Variants in RALGPS1 observed in about 807,000 individuals in gnomAD.
The protein encoded by RALGPS1 is Ral GEF with PH domain and SH3 binding motif 1, also known as ras-specific guanine nucleotide-releasing factor RalGPS1.
In RALGPS1, 19 loss-of-function variants were observed where a neutral mutation model predicts 78.8. The observed-to-expected ratio is 0.24, with a 90% confidence interval of 0.17 to 0.35. RALGPS1 has a LOEUF of 0.35. RALGPS1 is among the 10% of genes least tolerant of loss of function. RALGPS1 has a pLI of 1.00. For missense variants in RALGPS1, 454 were observed against 688.3 expected, an observed-to-expected ratio of 0.66 and a Z score of 3.81; for synonymous variants, 228 against 256.3, an observed-to-expected ratio of 0.89 and a Z score of 1.06.
chr9:126,996,409 C>T (rs1288255725), intron 4 of RALGPS1, among the ~76,000 whole-genome samples: 25 of 152,018 alleles, frequency 1.6e-4, no homozygotes, highest in Non-Finnish European at 2.4e-4. Context: ...AACACCTCTA[C>T]GCAAATAAAC....
intron 2 of RALGPS1, among the ~76,000 whole-genome samples, chr9:126,965,638 C>G (rs1186420495): frequency 2.0e-5 from 3 of 152,230 alleles, no homozygotes; most frequent in Non-Finnish European, 4.4e-5. Context: ...AATTTGTACT[C>G]ATAGGGCACA....
chr9:126,940,382 TTA>T (rs2036649540), intron 1 of RALGPS1, among the ~76,000 whole-genome samples: 1 of 152,032 alleles, frequency 6.6e-6, no homozygotes, highest in Non-Finnish European at 1.5e-5. Context: ...TGAATAGTGT[TTA>T]TGTTTGTGTA....
At chr9:127,103,823 C>T (rs1436830847) in intron 8 of RALGPS1, among the ~76,000 whole-genome samples, 1 of 152,242 alleles carries the variant, frequency 6.6e-6, no homozygotes, top group Non-Finnish European at 1.5e-5. Context: ...GTCCCTGTGG[C>T]AGCTGGGGCC....
chr9:126,939,383 A>G (rs980945964), intron 1 of RALGPS1, among the ~76,000 whole-genome samples: 2 of 152,216 alleles, frequency 1.3e-5, no homozygotes, highest in Non-Finnish European at 2.9e-5. Flanking sequence ...TGTGCTGGAA[A>G]CTGGGGATGA....
At chr9:126,955,672 A>C (rs776978960) in intron 1 of RALGPS1, among the ~76,000 whole-genome samples, 1 of 152,248 alleles carries the variant, frequency 6.6e-6, no homozygotes, top group Non-Finnish European at 1.5e-5. Context: ...TGCATTTAAA[A>C]ACATTTCTAT....
chr9:126,940,063 C>G (rs2036612608), intron 1 of RALGPS1, among the ~76,000 whole-genome samples: 1 of 152,162 alleles, frequency 6.6e-6, no homozygotes, highest in Non-Finnish European at 1.5e-5. Context: ...CTCATCCAAG[C>G]CAGTGTTCTG....
chr9:127,161,527 G>A (rs745494892), intron 8 of RALGPS1, among the ~76,000 whole-genome samples: 16 of 152,206 alleles, frequency 1.1e-4, no homozygotes, highest in Non-Finnish European at 2.4e-4. Flanking sequence ...AGAGCTGGAA[G>A]GACCCGCAGG....
chr9:127,119,154 G>A (rs1472898670), intron 8 of RALGPS1, among the ~76,000 whole-genome samples: 2 of 152,160 alleles, frequency 1.3e-5, no homozygotes, highest in Non-Finnish European at 2.9e-5. Context: ...ACCTGGTTTC[G>A]AAGCTCAGTT....
intron 1 of RALGPS1, among the ~76,000 whole-genome samples, chr9:126,927,400 G>A (rs538942506): frequency 6.6e-6 from 1 of 152,106 alleles, no homozygotes; most frequent in African/African-American, 2.4e-5. Context: ...TGTGGAAACC[G>A]GTGGTGGGGG....
At chr9:127,048,037 G>C (rs2047969179) in intron 5 of RALGPS1, among the ~76,000 whole-genome samples, 1 of 152,048 alleles carries the variant, frequency 6.6e-6, no homozygotes, top group African/African-American at 2.4e-5. Flanking sequence ...GTTTTCTAAT[G>C]GGTGTCTCTA....
chr9:127,018,171 C>T (rs1005015737), intron 4 of RALGPS1, among the ~76,000 whole-genome samples: 24 of 151,588 alleles, frequency 1.6e-4, no homozygotes, highest in African/African-American at 5.3e-4. Context: ...CCCGACATTG[C>T]GCCACTGCAC....
In RALGPS1 at chr9:127,211,535, G is replaced by GGCAGAT. The variant is rs1010201747; in HGVS notation, c.1248-595_1248-590dup. On this transcript the variant is annotated intron_variant, in intron 14 of 18. Coordinates refer to ENST00000259351, the MANE Select transcript of RALGPS1 (RefSeq NM_014636.3). The surrounding 1 kb of genome is among the most constrained non-coding windows in gnomAD (Gnocchi z 5.0). The stretch of plus-strand genomic sequence containing the variant: ...GGGGTGGTGCCATTCCTGAGGCACC[G>GGCAGAT]GCAGATCCGGAGCTCAGGAGGGAGG... 4.6e-5 allele frequency among the ~76,000 whole-genome samples: 7 copies of GGCAGAT among 152,180 alleles called. No homozygotes were observed. The highest frequency in any genetic ancestry group is 8.8e-5 in the Non-Finnish European group (6 of 68,022).
At chr9:126,916,815 C>G (rs2034216219) in intron 1 of RALGPS1, among the ~76,000 whole-genome samples, 1 of 152,054 alleles carries the variant, frequency 6.6e-6, no homozygotes, top group Admixed American at 6.6e-5. Flanking sequence ...AAGAAGACCC[C>G]CAAAAGAAGG....
In RALGPS1 at chr9:127,168,728, C is replaced by T. The variant is rs1181538729; in HGVS notation, c.798C>T (p.Arg266=). 3 of 1,613,964 alleles carry T rather than the reference C, an allele frequency of 1.9e-6. No homozygotes were observed. Among genetic ancestry groups the T allele is most frequent in the Admixed American group, 3.3e-5 (2 of 60,032 alleles). Residue 266 remains arginine, a synonymous_variant, in exon 10 of 19, where the codon CGC becomes CGT. Coordinates refer to ENST00000259351, the MANE Select transcript of RALGPS1 (RefSeq NM_014636.3). ...PHVQKYLKSV[R]YIEELQKFVE... ...TGCAGAAGTACCTGAAGTCCGTACG[C>T]TACATTGAAGAGCTCCAGAAGTTTG...
At chr9:126,915,730 G>A (rs1397637936) in intron 1 of RALGPS1, among the ~76,000 whole-genome samples, 1 of 150,268 alleles carries the variant, frequency 6.7e-6, no homozygotes, top group African/African-American at 2.5e-5. Context: ...GCTGTTTTTC[G>A]CACCTCAGGG....
chr9:127,128,576 G>T (rs1318372680), intron 8 of RALGPS1, among the ~76,000 whole-genome samples: 2 of 152,222 alleles, frequency 1.3e-5, no homozygotes, highest in African/African-American at 2.4e-5. Flanking sequence ...GTCTTGGGGA[G>T]TGTCCAGGCA....
chr9:127,071,023 ATCTC>A (rs368013720), intron 8 of RALGPS1, among the ~76,000 whole-genome samples: 5 of 148,294 alleles, frequency 3.4e-5, no homozygotes, highest in African/African-American at 5.0e-5. Context: ...ATAAATTTGA[ATCTC>A]TCTCTCTCTC....
intron 17 of RALGPS1, among the ~76,000 whole-genome samples, chr9:127,213,414 C>T (rs899356909): frequency 6.6e-6 from 1 of 152,222 alleles, no homozygotes; most frequent in Non-Finnish European, 1.5e-5. Flanking sequence ...GATCCCCTCA[C>T]ATGCCTGTGC....
intron 8 of RALGPS1, among the ~76,000 whole-genome samples, chr9:127,079,316 A>G (rs949031155): frequency 6.6e-6 from 1 of 152,202 alleles, no homozygotes; most frequent in Non-Finnish European, 1.5e-5. Context: ...GATTGGGACA[A>G]AGGAAAGACT....
Sources: allele counts gnomAD v4.1 joint callset (sites outside exome capture counted in the v4.1 genomes callset), GRCh38; gene constraint gnomAD v4.1.1; non-coding constraint Gnocchi (gnomAD v3.1); transcripts MANE v1.5; gene names NCBI Gene and HGNC (gene_info 2026-07-23, HGNC 2026-07-21).